DPYD: variants seen among roughly 807,000 people sequenced by gnomAD.
The protein encoded by DPYD is dihydropyrimidine dehydrogenase, also known as dihydropyrimidine dehydrogenase [NADP(+)].
A neutral mutation model predicts 116.2 loss-of-function variants in DPYD; 109 were observed. The ratio of observed to expected loss-of-function variants is 0.94; its 90% CI spans 0.80 to 1.10. The LOEUF (loss-of-function observed/expected upper bound fraction) is 1.10, where lower values mean the gene tolerates loss of function less well. Ranked by LOEUF, DPYD falls within the 50% of genes least tolerant of loss-of-function variation. The pLI is 0.00. For missense variants in DPYD, 1,302 were observed against 1,254.5 expected (o/e 1.04, Z -0.57); for synonymous variants, 440 against 432.0 (o/e 1.02, Z -0.23).
intron 19 of DPYD, among the ~76,000 whole-genome samples, chr1:97,214,228 T>C (rs1396849205): frequency 6.6e-6 from 1 of 152,230 alleles, no homozygotes; most frequent in Non-Finnish European, 1.5e-5. Flanking sequence ...GGGAGTGACT[T>C]GATTTAGGTT....
intron 12 of DPYD, among the ~76,000 whole-genome samples, chr1:97,535,300 T>C (rs918738843): frequency 2.6e-5 from 4 of 152,156 alleles, no homozygotes; most frequent in Non-Finnish European, 5.9e-5. Context: ...CACAGCAAAC[T>C]AAAGATTTTG....
At chr1:97,187,211 C>T (rs960975004) in intron 20 of DPYD, among the ~76,000 whole-genome samples, 10 of 151,902 alleles carry the variant, frequency 6.6e-5, no homozygotes, top group Non-Finnish European at 1.2e-4. Flanking sequence ...TAAGCATTCC[C>T]TTTTTTTTCC....
chr1:97,301,236 A>T (rs1666842547), intron 18 of DPYD, among the ~76,000 whole-genome samples: 1 of 152,070 alleles, frequency 6.6e-6, no homozygotes, highest in Non-Finnish European at 1.5e-5. Flanking sequence ...TTTATGAATT[A>T]TTCAGAAATC....
chr1:97,587,839 GA>G (rs1277387224), intron 10 of DPYD, among the ~76,000 whole-genome samples: 4,150 of 120,664 alleles, frequency 0.034, 88 homozygotes, highest in Middle Eastern at 0.068. Flanking sequence ...AAAAAAAAAA[GA>G]AAAAAAAAAA....
At chr1:97,359,156 C>A (rs943485323) in intron 16 of DPYD, among the ~76,000 whole-genome samples, 1 of 151,924 alleles carries the variant, frequency 6.6e-6, no homozygotes, top group Non-Finnish European at 1.5e-5. Context: ...ACGAGAACTA[C>A]GTGACACATG....
intron 14 of DPYD, among the ~76,000 whole-genome samples, chr1:97,419,370 C>G (rs533008314): frequency 2.9e-4 from 44 of 152,248 alleles, no homozygotes; most frequent in African/African-American, 1.0e-3. Context: ...TTCCATTAGT[C>G]TGCTGTAGTT....
At chr1:97,379,070 C>A (rs958775197) in intron 15 of DPYD, among the ~76,000 whole-genome samples, 1 of 152,222 alleles carries the variant, frequency 6.6e-6, no homozygotes, top group African/African-American at 2.4e-5. Context: ...GGTCAACTGG[C>A]CTCTGAAGAC....
chr1:97,478,290 T>A (rs1678099660), intron 13 of DPYD, among the ~76,000 whole-genome samples: 2 of 152,152 alleles, frequency 1.3e-5, no homozygotes, highest in Admixed American at 6.5e-5. Context: ...TTTTCTTTCC[T>A]TTTCTTTTTT....
At chr1:97,460,206 T>A (rs556784523) in intron 13 of DPYD, among the ~76,000 whole-genome samples, 1 of 152,330 alleles carries the variant, frequency 6.6e-6, no homozygotes, top group South Asian at 2.1e-4. Context: ...TAAGATTGTA[T>A]GTTTTGCCTC....
At chr1:97,597,578 T>C (rs919481761) in intron 8 of DPYD, among the ~76,000 whole-genome samples, 1 of 152,220 alleles carries the variant, frequency 6.6e-6, no homozygotes, top group African/African-American at 2.4e-5. Context: ...GAAAGCCTTT[T>C]GTTGATGTGA....
chr1:97,315,729 T>A (rs1346159391), intron 16 of DPYD, among the ~76,000 whole-genome samples: 1 of 151,994 alleles, frequency 6.6e-6, no homozygotes, highest in African/African-American at 2.4e-5. Context: ...TTCTTCTGAA[T>A]TCTAGTTCTA....
chr1:97,810,286 C>CAA (rs71071672), intron 3 of DPYD, among the ~76,000 whole-genome samples: 3,420 of 73,086 alleles, frequency 0.047, 242 homozygotes, highest in Middle Eastern at 0.062. Flanking sequence ...GACTCCATCT[C>CAA]AAAAAAAAAA....
chr1:97,802,126 G>C (rs945929639), intron 3 of DPYD, among the ~76,000 whole-genome samples: 1 of 151,906 alleles, frequency 6.6e-6, no homozygotes, highest in African/African-American at 2.4e-5. Flanking sequence ...TAAAGACGTA[G>C]AGTCACGCTG....
At chr1:97,107,200 C>T (rs1651230019) in intron 20 of DPYD, among the ~76,000 whole-genome samples, 1 of 152,122 alleles carries the variant, frequency 6.6e-6, no homozygotes, top group South Asian at 2.1e-4. Flanking sequence ...TGTTGGTCAT[C>T]TTTCTGCAGA....
At chr1:97,250,429 T>C (rs1400953651) in intron 18 of DPYD, among the ~76,000 whole-genome samples, 4 of 152,150 alleles carry the variant, frequency 2.6e-5, no homozygotes, top group Admixed American at 6.6e-5. Flanking sequence ...AAAAAGTATA[T>C]GTACAAAAAT....
chr1:97,814,406 T>C (rs1668477148), intron 3 of DPYD, among the ~76,000 whole-genome samples: 1 of 152,138 alleles, frequency 6.6e-6, no homozygotes, highest in South Asian at 2.1e-4. Context: ...CCTGGTGATC[T>C]GTGGAAAATG....
Position 97,549,633 on chromosome 1 carries a change from C to T in DPYD, c.1451G>A (p.Gly484Asp). The stretch of plus-strand genomic sequence containing the variant: ...CGATTCCACTGTAGTGTTAGCCAAA[C>T]CAACGACATCACCACCTGCAAATAC... ...AWVFAGGDVV[G>D]LANTTVESVN... Residue 484 changes from glycine to aspartate, a missense_variant, in exon 12 of 23, where the codon GGT becomes GAT. Transcript: ENST00000370192. 6.2e-7 allele frequency: 1 copy of T among 1,613,870 alleles called. No individual in the cohort carries two copies. The highest frequency in any genetic ancestry group is 8.5e-7 in the Non-Finnish European group (1 of 1,179,874).
At chr1:97,556,850 T>C (rs1279932876) in intron 11 of DPYD, among the ~76,000 whole-genome samples, 1 of 150,896 alleles carries the variant, frequency 6.6e-6, no homozygotes, top group African/African-American at 2.4e-5. Context: ...GCATGATTTA[T>C]AGTCCTTTGG....
At chr1:97,239,199 G>A (rs570038625) in intron 18 of DPYD, among the ~76,000 whole-genome samples, 2 of 152,188 alleles carry the variant, frequency 1.3e-5, no homozygotes, top group African/African-American at 4.8e-5. Flanking sequence ...GAACATTCTT[G>A]AATTGATTCA....
Sources: allele counts gnomAD v4.1 joint callset (sites outside exome capture counted in the v4.1 genomes callset), GRCh38; gene constraint gnomAD v4.1.1; transcripts MANE v1.5; gene names NCBI Gene and HGNC (gene_info 2026-07-23, HGNC 2026-07-21).